The following SAMD13 variants were observed in gnomAD, a reference collection of about 807,000 sequenced individuals.
The protein encoded by SAMD13 is sterile alpha motif domain-containing protein 13.
In SAMD13, 9 loss-of-function variants were observed where a neutral mutation model predicts 12.4. The ratio of observed to expected loss-of-function variants is 0.72; its 90% CI spans 0.44 to 1.26. The LOEUF is 1.26. SAMD13 is among the 50% of genes most tolerant of loss of function. The pLI, the probability that SAMD13 is intolerant of heterozygous loss-of-function variation, is 0.00. For missense variants in SAMD13, 84 were observed against 119.6 expected (o/e 0.70, Z 1.39); for synonymous variants, 46 against 45.4 (o/e 1.01, Z -0.05).
At chr1:84,298,854 G>A (rs976780380), upstream of SAMD13, among the ~76,000 whole-genome samples, 23 of 152,018 alleles carry the variant, frequency 1.5e-4, no homozygotes, top group African/African-American at 5.1e-4. Flanking sequence ...ACGACTCGGC[G>A]GGGACCCCGA....
intron 2 of SAMD13, among the ~76,000 whole-genome samples, chr1:84,312,629 C>T (rs1678739921): frequency 6.6e-6 from 1 of 151,934 alleles, no homozygotes; most frequent in African/African-American, 2.4e-5. Flanking sequence ...GATGTACTAC[C>T]AGAGAGGACA....
At chr1:84,327,089 A>G (rs972628046) in intron 3 of SAMD13, among the ~76,000 whole-genome samples, 1 of 152,186 alleles carries the variant, frequency 6.6e-6, no homozygotes, top group Non-Finnish European at 1.5e-5. Flanking sequence ...ACTCCTGGGT[A>G]TTTACCCAAG....
intron 3 of SAMD13, among the ~76,000 whole-genome samples, chr1:84,335,618 T>G (rs1456471618): frequency 6.6e-6 from 1 of 152,194 alleles, no homozygotes; most frequent in Non-Finnish European, 1.5e-5. Context: ...CAGACTTGAT[T>G]GTGTAGTTGA....
intron 3 of SAMD13, among the ~76,000 whole-genome samples, chr1:84,342,073 G>T (rs1338635318): frequency 3.3e-5 from 5 of 152,126 alleles, no homozygotes; most frequent in Non-Finnish European, 5.9e-5. Context: ...TAAGGAAAAA[G>T]AATAAGAAGA....
chr1:84,298,850 C>T (rs1410786501), upstream of SAMD13, among the ~76,000 whole-genome samples: 1 of 152,050 alleles, frequency 6.6e-6, no homozygotes. Flanking sequence ...TGGCACGACT[C>T]GGCGGGGACC....
At chr1:84,320,884 G>C (rs1263570133) in intron 2 of SAMD13, among the ~76,000 whole-genome samples, 1 of 152,140 alleles carries the variant, frequency 6.6e-6, no homozygotes, top group Non-Finnish European at 1.5e-5. Context: ...ATTACATGTG[G>C]ATTGCATTTA....
At chr1:84,322,531 G>A (rs1365022092) in intron 2 of SAMD13, among the ~76,000 whole-genome samples, 1 of 152,156 alleles carries the variant, frequency 6.6e-6, no homozygotes, top group Non-Finnish European at 1.5e-5. Context: ...ACTTTGCTGT[G>A]TATCAACTGT....
At chr1:84,342,471 A>G (rs909731742) in intron 3 of SAMD13, among the ~76,000 whole-genome samples, 1 of 152,158 alleles carries the variant, frequency 6.6e-6, no homozygotes, top group African/African-American at 2.4e-5. Flanking sequence ...GTAAGGCCAC[A>G]GTAACCAAAA....
upstream of SAMD13, among the ~76,000 whole-genome samples, chr1:84,300,826 T>C (rs1678439805): frequency 6.6e-6 from 1 of 152,178 alleles, no homozygotes; most frequent in Non-Finnish European, 1.5e-5. Flanking sequence ...TCTGATTTGG[T>C]ATTTAGGATG....
intron 3 of SAMD13, among the ~76,000 whole-genome samples, chr1:84,332,743 T>G (rs1195540438): frequency 6.6e-6 from 1 of 152,220 alleles, no homozygotes; most frequent in Non-Finnish European, 1.5e-5. Flanking sequence ...TTAGGTCCTA[T>G]CTGTCAATTT....
chr1:84,341,599 G>C (rs1679426652), intron 3 of SAMD13, among the ~76,000 whole-genome samples: 1 of 152,052 alleles, frequency 6.6e-6, no homozygotes. Context: ...TGGCTTAAGA[G>C]GGCTACTTTA....
upstream of SAMD13, among the ~76,000 whole-genome samples, chr1:84,299,113 C>T (rs753439989): frequency 2.0e-5 from 3 of 152,092 alleles, no homozygotes; most frequent in Non-Finnish European, 4.4e-5. Flanking sequence ...CCATTCCCGG[C>T]TCGGTGAGGT....
chr1:84,303,790 A>AT, intron 2 of SAMD13: 1 of 152,908 alleles, frequency 6.5e-6, no homozygotes, highest in East Asian at 1.9e-4. Flanking sequence ...CTGTGCATAC[A>AT]TGGTGTTTAT....
At chr1:84,328,223 A>G (rs1679100101) in intron 3 of SAMD13, among the ~76,000 whole-genome samples, 6 of 152,196 alleles carry the variant, frequency 3.9e-5, no homozygotes, top group Admixed American at 3.9e-4. Flanking sequence ...GCCCACGAGC[A>G]GGCACTTTCT....
chr1:84,342,337 T>G (rs1679444376), intron 3 of SAMD13, among the ~76,000 whole-genome samples: 2 of 152,120 alleles, frequency 1.3e-5, no homozygotes, highest in Admixed American at 1.3e-4. Flanking sequence ...TTCACAGAAT[T>G]ACAAGAAACT....
chr1:84,331,663 A>G (rs779293238), intron 3 of SAMD13, among the ~76,000 whole-genome samples: 4 of 152,298 alleles, frequency 2.6e-5, no homozygotes, highest in Non-Finnish European at 4.4e-5. Flanking sequence ...GAAATCTCAA[A>G]TAAGTGGGTA....
At chr1:84,337,838 T>A (rs893164467) in intron 3 of SAMD13, among the ~76,000 whole-genome samples, 2 of 152,174 alleles carry the variant, frequency 1.3e-5, no homozygotes, top group African/African-American at 4.8e-5. Context: ...AACACCCAAA[T>A]CACCTCTTGA....
At chr1:84,305,505 G>A (rs1288606983) in intron 2 of SAMD13, among the ~76,000 whole-genome samples, 1 of 151,994 alleles carries the variant, frequency 6.6e-6, no homozygotes, top group Non-Finnish European at 1.5e-5. Context: ...AAATTTTAAT[G>A]AAGTCTAGTT....
At chr1:84,349,609 T>A (rs1388941743) in intron 3 of SAMD13, 22 bp from the exon 4 acceptor site, 1 of 1,609,700 alleles carries the variant, frequency 6.2e-7, no homozygotes, top group Non-Finnish European at 8.5e-7. Context: ...CATGTTGGCT[T>A]TACCTTCTGC....
Sources: gnomAD v4.1 joint callset for allele counts (sites outside exome capture counted in the v4.1 genomes callset) on GRCh38, gnomAD v4.1.1 for gene constraint, MANE v1.5 for transcripts, NCBI Gene and HGNC (gene_info 2026-07-23, HGNC 2026-07-21) for gene names.